Variants in GPC5 observed in about 807,000 individuals in gnomAD.
The protein encoded by GPC5 is glypican 5.
In GPC5, 47 loss-of-function variants were observed where a neutral mutation model predicts 53.9. The observed-to-expected ratio is 0.87, with a 90% confidence interval of 0.69 to 1.11. GPC5 has a LOEUF of 1.11. Among genes scored for constraint, GPC5 ranks in the 50% most tolerant of loss-of-function variants. GPC5 has a pLI of 0.00. For synonymous variants in GPC5, 286 were observed against 263.3 expected, an observed-to-expected ratio of 1.09 and a Z score of -0.84; for missense variants, 748 against 713.1, an observed-to-expected ratio of 1.05 and a Z score of -0.56.
At chr13:92,852,013 G>GA (rs554362139) in intron 7 of GPC5, among the ~76,000 whole-genome samples, 68 of 151,860 alleles carry the variant, frequency 4.5e-4, no homozygotes, top group African/African-American at 1.5e-3. Flanking sequence ...GCATGAAACA[G>GA]AAAAAAAATT....
At chr13:91,914,867 GC>G (rs1281771442) in intron 6 of GPC5, among the ~76,000 whole-genome samples, 2 of 151,938 alleles carry the variant, frequency 1.3e-5, no homozygotes, top group African/African-American at 4.8e-5. Context: ...TAAATCACTT[GC>G]TATAAAACAA....
At chr13:91,910,000 T>C (rs1188167005) in intron 6 of GPC5, among the ~76,000 whole-genome samples, 4 of 152,172 alleles carry the variant, frequency 2.6e-5, no homozygotes, top group Non-Finnish European at 5.9e-5. Context: ...TAAGTTTCAT[T>C]CTGGGGTTGC....
In GPC5 at chr13:91,756,694, G is replaced by A. The variant is rs570670386; in HGVS notation, c.1280+274G>A. 8.4e-5 allele frequency among the ~76,000 whole-genome samples: 11 copies of A among 130,936 alleles called. No individual in the cohort carries two copies. In the South Asian group the frequency reaches 1.2e-3, roughly 15 times the overall value. The allele number at this position is 130,936 out of a possible 152,430, so 85.9% of individuals were successfully genotyped here. A position where few individuals can be genotyped will look rare whatever the true frequency, so the allele number is the denominator to read the frequency against. ...CAATCCTACTTTTGAATTAAACACCGTTTATTTTTTATCCAGTCTGTCTGT... is the reference window on the plus strand; with the variant it reads ...CAATCCTACTTTTGAATTAAACACCATTTATTTTTTATCCAGTCTGTCTGT... On this transcript the variant is annotated intron_variant, in intron 5 of 7. Coordinates refer to ENST00000377067, the MANE Select transcript of GPC5 (RefSeq NM_004466.6).
intron 7 of GPC5, among the ~76,000 whole-genome samples, chr13:92,806,632 C>T (rs1322305799): frequency 2.6e-5 from 4 of 151,962 alleles, no homozygotes; most frequent in African/African-American, 9.7e-5. Context: ...ATTAATTAGC[C>T]TATTTTCAGT....
chr13:92,310,365 C>A (rs1355308398), intron 7 of GPC5, among the ~76,000 whole-genome samples: 1 of 152,068 alleles, frequency 6.6e-6, no homozygotes, highest in East Asian at 1.9e-4. Context: ...TTGCTGAATG[C>A]TTTTGTATTG....
At chr13:92,731,980 T>C (rs1888818735) in intron 7 of GPC5, among the ~76,000 whole-genome samples, 1 of 151,316 alleles carries the variant, frequency 6.6e-6, no homozygotes, top group Non-Finnish European at 1.5e-5. Context: ...GGAGTAGAGA[T>C]GGTGTAAAAG....
chr13:91,524,793 G>T (rs1886009498), intron 2 of GPC5, among the ~76,000 whole-genome samples: 1 of 152,160 alleles, frequency 6.6e-6, no homozygotes, highest in Non-Finnish European at 1.5e-5. Context: ...GCTCTCCGTG[G>T]TATCCTGTAC....
At chr13:91,571,896 T>TACGTATAC (rs1566516072) in intron 2 of GPC5, among the ~76,000 whole-genome samples, 1 of 76,022 alleles carries the variant, frequency 1.3e-5, no homozygotes, top group Non-Finnish European at 2.5e-5. Context: ...CGTGTGTATA[T>TACGTATAC]ACACATATTG....
At chr13:91,604,514 T>TGAG (rs2033292598) in intron 2 of GPC5, among the ~76,000 whole-genome samples, 1 of 145,918 alleles carries the variant, frequency 6.9e-6, no homozygotes, top group Non-Finnish European at 1.5e-5. Flanking sequence ...TCTAGATCCC[T>TGAG]GAGGAATCGC....
At chr13:92,084,630 G>T (rs1422461300) in intron 6 of GPC5, among the ~76,000 whole-genome samples, 2 of 152,128 alleles carry the variant, frequency 1.3e-5, no homozygotes, top group East Asian at 3.8e-4. Context: ...CTTAATTCAA[G>T]CCCCATGTCC....
intron 6 of GPC5, among the ~76,000 whole-genome samples, chr13:92,028,932 T>A (rs1024762177): frequency 4.6e-5 from 7 of 152,204 alleles, no homozygotes; most frequent in Non-Finnish European, 8.8e-5. Flanking sequence ...GAAATTCATA[T>A]ACAGTAGAAT....
chr13:91,672,789 T>A (rs1039198191), intron 2 of GPC5, among the ~76,000 whole-genome samples: 3 of 152,196 alleles, frequency 2.0e-5, no homozygotes, highest in Non-Finnish European at 4.4e-5. Flanking sequence ...ATACGTATGT[T>A]TATTGCAGCA....
intron 7 of GPC5, among the ~76,000 whole-genome samples, chr13:92,406,937 T>C (rs1369236603): frequency 6.6e-6 from 1 of 152,224 alleles, no homozygotes; most frequent in Non-Finnish European, 1.5e-5. Flanking sequence ...TTCATCTCTT[T>C]GCAGATTTTT....
At chr13:92,792,117 C>A (rs1446496840) in intron 7 of GPC5, among the ~76,000 whole-genome samples, 4 of 151,930 alleles carry the variant, frequency 2.6e-5, no homozygotes, top group Non-Finnish European at 5.9e-5. Context: ...GTCAGATTCA[C>A]CAAGGTTGAA....
chr13:92,091,726 A>G (rs2041382264), intron 6 of GPC5, among the ~76,000 whole-genome samples: 1 of 151,568 alleles, frequency 6.6e-6, no homozygotes, highest in African/African-American at 2.4e-5. Flanking sequence ...AAAGTTCCCA[A>G]TGCACAAATC....
chr13:92,776,237 C>T (rs935667795), intron 7 of GPC5, among the ~76,000 whole-genome samples: 2 of 152,194 alleles, frequency 1.3e-5, no homozygotes, highest in African/African-American at 2.4e-5. Flanking sequence ...AGTAGTGTAG[C>T]GTCTTTAAAT....
chr13:92,522,976 T>C (rs1221997715), intron 7 of GPC5, among the ~76,000 whole-genome samples: 1 of 152,138 alleles, frequency 6.6e-6, no homozygotes, highest in Non-Finnish European at 1.5e-5. Context: ...TAATCTCTGC[T>C]GAAAATTAGA....
intron 2 of GPC5, among the ~76,000 whole-genome samples, chr13:91,679,579 T>C (rs1223914349): frequency 6.6e-6 from 1 of 152,190 alleles, no homozygotes; most frequent in Non-Finnish European, 1.5e-5. Context: ...TCCTCTGTAT[T>C]TGCATTTGCA....
At chr13:92,751,720 C>T (rs914064589) in intron 7 of GPC5, among the ~76,000 whole-genome samples, 2 of 151,016 alleles carry the variant, frequency 1.3e-5, no homozygotes, top group African/African-American at 4.9e-5. Flanking sequence ...ACGTTGTGCA[C>T]ATGTACCCTA....
Sources: allele counts gnomAD v4.1 joint callset (sites outside exome capture counted in the v4.1 genomes callset), GRCh38; gene constraint gnomAD v4.1.1; transcripts MANE v1.5; gene names NCBI Gene and HGNC (gene_info 2026-07-23, HGNC 2026-07-21).